Variants in ADAMTS17 observed in about 807,000 individuals in gnomAD.
The protein encoded by ADAMTS17 is ADAM metallopeptidase with thrombospondin type 1 motif 17.
Under a neutral mutation model 141.5 loss-of-function variants are expected in ADAMTS17, and 113 were observed. That is an observed-to-expected ratio of 0.80 (90% CI 0.69 to 0.93). The LOEUF (loss-of-function observed/expected upper bound fraction) is 0.93, where lower values mean the gene tolerates loss of function less well. Ranked by LOEUF, ADAMTS17 falls within the 40% of genes least tolerant of loss-of-function variation. The pLI is 0.00. For synonymous variants in ADAMTS17, 768 were observed against 630.6 expected, an observed-to-expected ratio of 1.22 and a Z score of -3.27; for missense variants, 1,659 against 1,517.9, an observed-to-expected ratio of 1.09 and a Z score of -1.54.
intron 3 of ADAMTS17, among the ~76,000 whole-genome samples, chr15:100,320,145 A>G (rs984743939): frequency 2.0e-5 from 3 of 152,234 alleles, no homozygotes; most frequent in African/African-American, 7.2e-5. Context: ...AACCGATGAC[A>G]GGAAATTCTC....
intron 7 of ADAMTS17, among the ~76,000 whole-genome samples, chr15:100,234,331 C>T (rs34278638): frequency 0.12 from 17,855 of 152,194 alleles, 1,158 homozygotes; most frequent in East Asian, 0.15. Context: ...GCTTTACGTT[C>T]GTTCCACATT....
Position 100,068,114 on chromosome 15 carries a change from A to T in ADAMTS17, c.2138-14060T>A, listed in dbSNP as rs551007855. 3.9e-5 allele frequency among the ~76,000 whole-genome samples: 6 copies of T among 152,068 alleles called. 1 individual carries two copies. The East Asian group carries it at 1.2e-3, about 29-fold the overall frequency. ...CACGCCAGGAGATTATATCCTGCGC[A>T]TGTCTCGGAGGGTCCTACACCCACG... On this transcript the variant is annotated intron_variant, in intron 15 of 21. Transcript: ENST00000268070.
At chr15:100,103,162 G>C (rs990338911) in intron 14 of ADAMTS17, among the ~76,000 whole-genome samples, 1 of 152,164 alleles carries the variant, frequency 6.6e-6, no homozygotes, top group Non-Finnish European at 1.5e-5. Context: ...AGTTGTCATG[G>C]GAGGTTAATC....
intron 10 of ADAMTS17, among the ~76,000 whole-genome samples, chr15:100,142,433 C>T (rs974677284): frequency 6.6e-6 from 1 of 152,168 alleles, no homozygotes; most frequent in African/African-American, 2.4e-5. Flanking sequence ...GGGACAGGCC[C>T]ATGTGATCTC....
intron 10 of ADAMTS17, among the ~76,000 whole-genome samples, chr15:100,141,690 C>T (rs577033966): frequency 6.6e-6 from 1 of 152,308 alleles, no homozygotes; most frequent in East Asian, 1.9e-4. Flanking sequence ...GAGGGTGGGG[C>T]CCAGGACTTC....
At chr15:100,128,202 G>GTT (rs2037844386) in intron 12 of ADAMTS17, 1 of 152,230 alleles carries the variant, frequency 6.6e-6, no homozygotes, top group Admixed American at 6.5e-5. Context: ...GAGAACAAAG[G>GTT]GGAGCTGGTG....
At chr15:100,002,316 G>T (rs2060945073) in intron 18 of ADAMTS17, among the ~76,000 whole-genome samples, 1 of 152,048 alleles carries the variant, frequency 6.6e-6, no homozygotes, top group Non-Finnish European at 1.5e-5. Context: ...GCCTTTGCTT[G>T]TGCTGTGCTT....
chr15:100,140,044 G>T (rs914082766), intron 10 of ADAMTS17, among the ~76,000 whole-genome samples: 2 of 152,128 alleles, frequency 1.3e-5, no homozygotes, highest in African/African-American at 2.4e-5. Flanking sequence ...CACCCAGGCT[G>T]GAGTGCAGTG....
At chr15:100,109,143 T>C in intron 13 of ADAMTS17, 27 bp from the exon 14 acceptor site, 2 of 1,591,686 alleles carry the variant, frequency 1.3e-6, no homozygotes, top group Admixed American at 3.6e-5. Context: ...TGGAGGACGT[T>C]GACACGGGAA....
intron 4 of ADAMTS17, among the ~76,000 whole-genome samples, chr15:100,279,249 T>TC (rs1392856007): frequency 1.3e-5 from 2 of 152,090 alleles, no homozygotes; most frequent in African/African-American, 4.8e-5. Context: ...TCTGAGCCCC[T>TC]CCCTTGGGCT....
chr15:100,112,383 C>T (rs370073602), intron 13 of ADAMTS17, among the ~76,000 whole-genome samples: 8 of 152,076 alleles, frequency 5.3e-5, no homozygotes, highest in Admixed American at 2.0e-4. Context: ...TCCATTTGTC[C>T]GTCTCCCCTT....
intron 2 of ADAMTS17, among the ~76,000 whole-genome samples, chr15:100,335,015 C>T (rs2046166659): frequency 6.6e-6 from 1 of 152,100 alleles, no homozygotes; most frequent in Admixed American, 6.5e-5. Context: ...TCCCCAACTA[C>T]CCATCCTCCA....
chr15:100,020,771 G>A (rs569879995), intron 18 of ADAMTS17, among the ~76,000 whole-genome samples: 2 of 152,276 alleles, frequency 1.3e-5, no homozygotes, highest in South Asian at 4.2e-4. Flanking sequence ...GGCCCAGGGC[G>A]CCCATCCTGA....
chr15:100,024,326 C>T (rs1165180939), intron 18 of ADAMTS17, among the ~76,000 whole-genome samples: 2 of 152,198 alleles, frequency 1.3e-5, no homozygotes, highest in Non-Finnish European at 2.9e-5. Flanking sequence ...AAACTCCTGG[C>T]TTCAAGCAGT....
At chr15:100,297,520 C>A (rs2044866676) in intron 3 of ADAMTS17, among the ~76,000 whole-genome samples, 1 of 152,138 alleles carries the variant, frequency 6.6e-6, no homozygotes, top group Admixed American at 6.5e-5. Flanking sequence ...GAAGATGGAA[C>A]AATACTGGGG....
intron 15 of ADAMTS17, chr15:100,063,586 C>T (rs2141669333): frequency 8.9e-7 from 1 of 1,128,276 alleles, no homozygotes; most frequent in East Asian, 5.8e-5. Flanking sequence ...CCAGCCATAA[C>T]CCGGGAGGAA....
intron 4 of ADAMTS17, among the ~76,000 whole-genome samples, chr15:100,266,388 C>T (rs191591913): frequency 6.6e-6 from 1 of 152,342 alleles, no homozygotes; most frequent in Admixed American, 6.5e-5. Flanking sequence ...CCTTCGCCCT[C>T]TACATGTACC....
At chr15:100,094,624 CT>C (rs1346564091) in intron 15 of ADAMTS17, among the ~76,000 whole-genome samples, 1 of 152,232 alleles carries the variant, frequency 6.6e-6, no homozygotes, top group African/African-American at 2.4e-5. Flanking sequence ...CTGGCTGTAC[CT>C]GACTTGTCTT....
chr15:100,210,435 T>C (rs541175360), intron 7 of ADAMTS17, among the ~76,000 whole-genome samples: 7 of 152,032 alleles, frequency 4.6e-5, no homozygotes, highest in Non-Finnish European at 1.0e-4. Context: ...ATCCTTGCAG[T>C]ACTACTGATG....
Sources: allele counts gnomAD v4.1 joint callset (sites outside exome capture counted in the v4.1 genomes callset), GRCh38; gene constraint gnomAD v4.1.1; transcripts MANE v1.5; gene names NCBI Gene and HGNC (gene_info 2026-07-23, HGNC 2026-07-21).